TNK2: variants seen among roughly 807,000 people sequenced by gnomAD.
TNK2 encodes tyrosine kinase non receptor 2.
A neutral mutation model predicts 101.8 loss-of-function variants in TNK2; 83 were observed. That is an observed-to-expected ratio of 0.82 (90% CI 0.68 to 0.98). TNK2 has a LOEUF of 0.98. Among genes scored for constraint, TNK2 ranks in the 50% least tolerant of loss-of-function variants. TNK2 has a pLI of 0.00. For missense variants in TNK2, 1,665 were observed against 1,483.2 expected (o/e 1.12, Z -2.01); for synonymous variants, 804 against 633.0 (o/e 1.27, Z -4.06).
Position 195,869,487 on chromosome 3 carries a change from C to G in TNK2, c.1588+10G>C. 1 of 1,550,428 alleles carries G rather than the reference C, an allele frequency of 6.4e-7. No homozygotes were observed. Among genetic ancestry groups the G allele is most frequent in the Non-Finnish European group, 8.7e-7 (1 of 1,146,884 alleles). ...GCGGGGGCCAAGGCATCGGAAGCAGCCCCACTTACTCTGAGTGAAGAAGGC... is the reference window on the plus strand; with the variant it reads ...GCGGGGGCCAAGGCATCGGAAGCAGGCCCACTTACTCTGAGTGAAGAAGGC... On this transcript the variant is annotated intron_variant, in intron 12 of 15. Transcript: ENST00000672887.
intron 1 of TNK2, among the ~76,000 whole-genome samples, chr3:195,899,230 T>C (rs2149838769): frequency 6.6e-6 from 1 of 152,372 alleles, no homozygotes; most frequent in East Asian, 1.9e-4. Context: ...TAAATTCCCA[T>C]TTCCTAGCCA....
intron 1 of TNK2, chr3:195,892,284 TC>T (rs1391957520): frequency 8.2e-6 from 8 of 971,196 alleles, no homozygotes; most frequent in Non-Finnish European, 1.2e-5. Context: ...TGGCCCGGAC[TC>T]CCCGTCAAGC....
At chr3:195,867,071 G>T in intron 14 of TNK2, 55 bp from the exon 15 acceptor site, 1 of 1,608,672 alleles carries the variant, frequency 6.2e-7, no homozygotes. Context: ...GACTAGGGTG[G>T]GGAAGAGGGG....
chr3:195,878,713 G>T lies in TNK2; in HGVS notation c.1015-121C>A. On this transcript the variant is annotated intron_variant, in intron 7 of 15. Coordinates refer to ENST00000672887, the MANE Select transcript of TNK2 (RefSeq NM_001382273.1). This position sits in a 1 kb window ranked among gnomAD's most constrained non-coding sequence, Gnocchi z 4.7. ...CTGCCATGCCTGGCCTCCAAAGAAG[G>T]GATCTGCCTGCCTGGGAGGGGCCCT... 1 of 1,412,862 alleles carries T rather than the reference G, an allele frequency of 7.1e-7. No individual in the cohort carries two copies. The allele number at this position is 1,412,862 out of a possible 1,614,324, so 87.5% of individuals were successfully genotyped here.
At chr3:195,872,032 A>T (rs1745806598) in intron 10 of TNK2, among the ~76,000 whole-genome samples, 2 of 142,530 alleles carry the variant, frequency 1.4e-5, no homozygotes, top group East Asian at 3.9e-4. Context: ...CCTCCCCTGG[A>T]GAACCCTCCC....
Position 195,884,896 on chromosome 3 carries a change from C to G in TNK2, c.372G>C (p.Lys124Asn). The G allele has an allele frequency of 6.2e-7, 1 of 1,614,112 alleles. No homozygotes were observed. The highest frequency in any genetic ancestry group is 8.5e-7 in the Non-Finnish European group (1 of 1,180,024). ...CCAGCTTCTCCAGGAGGCGCAGGTCCTTCTCCCCAATGAGGCAGGTGAGGC... is the reference window on the plus strand; with the variant it reads ...CCAGCTTCTCCAGGAGGCGCAGGTCGTTCTCCCCAATGAGGCAGGTGAGGC... The part of the protein sequence containing the change: ...LQSLTCLIGE[K>N]DLRLLEKLGD... Residue 124 changes from lysine (K) to asparagine (N), a missense_variant, in exon 4 of 16, where the codon AAG becomes AAC. By Grantham distance (94) the Lys-to-Asn change is moderately conservative. Transcript: ENST00000672887.
chr3:195,866,305 A>G (rs1740820498), intron 15 of TNK2, among the ~76,000 whole-genome samples: 1 of 152,028 alleles, frequency 6.6e-6, no homozygotes, highest in Non-Finnish European at 1.5e-5. Context: ...GGTTGAAGCG[A>G]TTCTCCTGCC....
At chr3:195,870,447 T>G (rs1744299701) in intron 10 of TNK2, 3 of 1,336,284 alleles carry the variant, frequency 2.2e-6, no homozygotes, top group Admixed American at 2.2e-5. Flanking sequence ...GGACTCCAAC[T>G]ACACCCTACA....
intron 1 of TNK2, chr3:195,895,253 C>A: frequency 6.5e-7 from 1 of 1,544,904 alleles, no homozygotes; most frequent in Non-Finnish European, 8.7e-7. Context: ...TACCTGCGGT[C>A]CCTCCTCGCC....
At chr3:195,873,985 C>T (rs765556084) in intron 9 of TNK2, among the ~76,000 whole-genome samples, 38 of 152,122 alleles carry the variant, frequency 2.5e-4, no homozygotes, top group Non-Finnish European at 2.4e-4. Flanking sequence ...CGAGACGAGA[C>T]GAGTCCCATC....
intron 1 of TNK2, chr3:195,895,191 A>T (rs932309491): frequency 6.9e-7 from 1 of 1,439,042 alleles, no homozygotes. Context: ...GGCTCACAGC[A>T]GACGAAGGGG....
chr3:195,878,347 C>A lies in TNK2; in HGVS notation c.1162G>T (p.Ala388Ser). Residue 388 changes from alanine (A) to serine (S), a missense_variant and splice_region_variant, in exon 9 of 16, where the codon GCC (alanine) becomes TCC (serine). Ala to Ser is a moderately conservative substitution (Grantham distance 99). Around this residue, in one of 3 missense-constraint regions of TNK2, gnomAD observed 39 missense variants for 65.8 expected, o/e 0.59. Coordinates refer to ENST00000672887, the MANE Select transcript of TNK2 (RefSeq NM_001382273.1). This position sits in a 1 kb window ranked among gnomAD's most constrained non-coding sequence, Gnocchi z 4.7. Reference protein sequence around the residue: ...FVALRDFLLEAQPTDMRALQD... With the variant: ...FVALRDFLLESQPTDMRALQD... ...AGGGCCCGCATGTCTGTGGGCTGGGCCTGGAGGAAGAGGAAGGTCGTGGCC... is the reference window on the plus strand; with the variant it reads ...AGGGCCCGCATGTCTGTGGGCTGGGACTGGAGGAAGAGGAAGGTCGTGGCC... 2 of 1,614,052 alleles carry A rather than the reference C, an allele frequency of 1.2e-6. No homozygotes were observed. The highest frequency in any genetic ancestry group is 1.7e-6 in the Non-Finnish European group (2 of 1,179,966).
intron 10 of TNK2, among the ~76,000 whole-genome samples, chr3:195,871,300 G>A (rs1745158522): frequency 6.6e-6 from 1 of 152,132 alleles, no homozygotes; most frequent in Non-Finnish European, 1.5e-5. Context: ...GCCTCTCCCA[G>A]GTATGGAGTG....
Position 195,872,473 on chromosome 3 carries a change from G to T in TNK2, c.1257-3C>A. The T allele has an allele frequency of 6.3e-7, 1 of 1,577,172 alleles. No individual in the cohort carries two copies. Among genetic ancestry groups the T allele is most frequent in the Non-Finnish European group, 8.6e-7 (1 of 1,158,928 alleles). ...CACGCCACCAGTAGTTCTCGGCCCT[G>T]CGCGACAGAGATGGCACGGTGAACG... On this transcript the variant is annotated splice_region_variant and splice_polypyrimidine_tract_variant and intron_variant, in intron 9 of 15. Coordinates refer to ENST00000672887, the MANE Select transcript of TNK2 (RefSeq NM_001382273.1).
In TNK2 at chr3:195,886,844, G is replaced by A; in HGVS notation, c.234+133C>T. ...GCCCGATAAGACCCTGGACGAGGGG[G>A]TCCTGTACAAAGTGCCGGCAGAACG... On this transcript the variant is annotated intron_variant, in intron 3 of 15. Transcript: ENST00000672887. The surrounding 1 kb of genome is among the most constrained non-coding windows in gnomAD (Gnocchi z 4.2). 1.1e-6 allele frequency: 1 copy of A among 946,694 alleles called. No homozygotes were observed. The highest frequency in any genetic ancestry group is 1.7e-6 in the Non-Finnish European group (1 of 581,316). 58.6% of individuals were successfully genotyped at this position (946,694 alleles called of 1,614,324 possible).
intron 10 of TNK2, 38 bp from the exon 11 acceptor site, chr3:195,870,243 G>A (rs1744094478): frequency 1.9e-6 from 3 of 1,601,458 alleles, no homozygotes; most frequent in South Asian, 2.2e-5. Context: ...AGCAGGGGAA[G>A]CGTGTGGAGG....
chr3:195,901,874 C>T (rs1761241244), intron 1 of TNK2, among the ~76,000 whole-genome samples: 1 of 152,174 alleles, frequency 6.6e-6, no homozygotes, highest in Non-Finnish European at 1.5e-5. Context: ...ATGGAGGTCC[C>T]CGCGGAAGTC....
chr3:195,869,443 T>TGA lies in TNK2; in HGVS notation c.1588+52_1588+53dup, dbSNP rs1301359628. On this transcript the variant is annotated intron_variant, in intron 12 of 15. Transcript: ENST00000672887. ...GGCTCTGTACCTTCCAGGAGAGGAG[T>TGA]GAGAGAGAGGGGGCGGGGGCGGGGG... 3 of 1,462,772 alleles carry TGA rather than the reference T, an allele frequency of 2.1e-6. No homozygotes were observed. In the Admixed American group the frequency reaches 6.2e-5, roughly 30 times the overall value. 90.6% of individuals were successfully genotyped at this position (1,462,772 alleles called of 1,614,324 possible).
Position 195,885,251 on chromosome 3 carries a change from G to A in TNK2, c.235-218C>T, listed in dbSNP as rs557708515. 1.6e-4 allele frequency: 170 copies of A among 1,084,168 alleles called. No homozygotes were observed. The Middle Eastern group carries it at 5.6e-3, about 35-fold the overall frequency. 67.2% of individuals were successfully genotyped at this position (1,084,168 alleles called of 1,614,324 possible). On this transcript the variant is annotated intron_variant, in intron 3 of 15. Coordinates refer to ENST00000672887, the MANE Select transcript of TNK2 (RefSeq NM_001382273.1). The surrounding 1 kb of genome is among the most constrained non-coding windows in gnomAD (Gnocchi z 4.7). ...AAAGCCTGATGCTGGCCTCAAGGAGGGTGCCAGAAAGAGACCGACAGGCAT... is the reference window on the plus strand; with the variant it reads ...AAAGCCTGATGCTGGCCTCAAGGAGAGTGCCAGAAAGAGACCGACAGGCAT...
Sources: allele counts gnomAD v4.1 joint callset (sites outside exome capture counted in the v4.1 genomes callset), GRCh38; gene constraint gnomAD v4.1.1; regional missense constraint gnomAD v4.1.1; non-coding constraint Gnocchi (gnomAD v3.1); transcripts MANE v1.5; gene names NCBI Gene and HGNC (gene_info 2026-07-23, HGNC 2026-07-21).